The following DOK6 variants were observed in gnomAD, a reference collection of about 807,000 sequenced individuals.
DOK6 encodes docking protein 6.
Under a neutral mutation model 44.0 loss-of-function variants are expected in DOK6, and 22 were observed. The observed-to-expected ratio is 0.50, with a 90% CI of 0.36 to 0.71. DOK6 has a LOEUF of 0.71. DOK6 is among the 30% of genes least tolerant of loss of function. DOK6 has a pLI of 0.00. For missense variants in DOK6, 340 were observed against 416.4 expected, an observed-to-expected ratio of 0.82 and a Z score of 1.60; for synonymous variants, 166 against 145.5, an observed-to-expected ratio of 1.14 and a Z score of -1.01.
intron 3 of DOK6, among the ~76,000 whole-genome samples, chr18:69,676,038 A>C (rs1257861363): frequency 1.3e-5 from 2 of 152,194 alleles, no homozygotes; most frequent in Non-Finnish European, 2.9e-5. Flanking sequence ...TCCTAAGGAA[A>C]TGCCTGAGCA....
At chr18:69,809,807 C>T (rs1568132562) in intron 7 of DOK6, among the ~76,000 whole-genome samples, 1 of 151,634 alleles carries the variant, frequency 6.6e-6, no homozygotes, top group Non-Finnish European at 1.5e-5. Flanking sequence ...CAGAAAACCA[C>T]ATAACATTGA....
In DOK6 at chr18:69,843,591, T is replaced by A. The variant is rs749234491; in HGVS notation, c.*2208T>A. ...AAACAGCGAGTCCAGGGAGGGATTCTGCTAATCAGATGAGTCTGCTCTTGT... is the reference window on the plus strand; with the variant it reads ...AAACAGCGAGTCCAGGGAGGGATTCAGCTAATCAGATGAGTCTGCTCTTGT... On this transcript the variant is annotated 3_prime_UTR_variant, in exon 8 of 8. Coordinates refer to ENST00000382713, the MANE Select transcript of DOK6 (RefSeq NM_152721.6). 9 of 152,278 alleles carry A rather than the reference T, an allele frequency of 5.9e-5. 1 individual carries two copies. Among genetic ancestry groups the A allele is most frequent in the Non-Finnish European group, 8.8e-5 (6 of 68,072 alleles). The allele number at this position is 152,278 out of a possible 1,614,324, so 9.4% of individuals were successfully genotyped here. A position where few individuals can be genotyped will look rare whatever the true frequency, so the allele number is the denominator to read the frequency against.
intron 4 of DOK6, among the ~76,000 whole-genome samples, chr18:69,697,827 C>T (rs187643551): frequency 6.6e-5 from 10 of 152,244 alleles, no homozygotes; most frequent in East Asian, 5.8e-4. Context: ...TTAAGTTCTG[C>T]GGAAGGCTGT....
intron 7 of DOK6, among the ~76,000 whole-genome samples, chr18:69,838,278 A>G (rs1172059730): frequency 6.6e-6 from 1 of 151,796 alleles, no homozygotes; most frequent in East Asian, 1.9e-4. Flanking sequence ...GGCCAGGAGC[A>G]TTATCTTAAT....
At chr18:69,539,216 A>G (rs1344636996) in intron 1 of DOK6, among the ~76,000 whole-genome samples, 2 of 152,146 alleles carry the variant, frequency 1.3e-5, no homozygotes, top group Non-Finnish European at 2.9e-5. Flanking sequence ...AACACCTCAC[A>G]TACCTCTGTC....
intron 3 of DOK6, among the ~76,000 whole-genome samples, chr18:69,626,329 C>T (rs1244335717): frequency 6.6e-6 from 1 of 152,188 alleles, no homozygotes; most frequent in East Asian, 1.9e-4. Flanking sequence ...TTCCCCTGAC[C>T]ACTTCAAACC....
At chr18:69,422,727 G>T (rs761776292) in intron 1 of DOK6, among the ~76,000 whole-genome samples, 1 of 152,034 alleles carries the variant, frequency 6.6e-6, no homozygotes, top group African/African-American at 2.4e-5. Flanking sequence ...TTTACTGCTC[G>T]CTCAATTATC....
chr18:69,610,165 T>C (rs8096993), intron 3 of DOK6, among the ~76,000 whole-genome samples: 20,427 of 152,180 alleles, frequency 0.13, 1,581 homozygotes, highest in East Asian at 0.38. Context: ...AGTGTTCTTA[T>C]AACAATAAAA....
At chr18:69,555,217 CAA>C (rs1325746787) in intron 1 of DOK6, among the ~76,000 whole-genome samples, 1 of 152,102 alleles carries the variant, frequency 6.6e-6, no homozygotes, top group Non-Finnish European at 1.5e-5. Flanking sequence ...ATATTTTCTT[CAA>C]AAAGCTTTAA....
intron 3 of DOK6, among the ~76,000 whole-genome samples, chr18:69,640,213 T>C (rs1984906981): frequency 6.6e-6 from 1 of 152,206 alleles, no homozygotes; most frequent in Non-Finnish European, 1.5e-5. Context: ...GTGCAAAATA[T>C]TGCCTCAATC....
intron 1 of DOK6, among the ~76,000 whole-genome samples, chr18:69,445,430 A>C (rs948642744): frequency 6.6e-6 from 1 of 152,168 alleles, no homozygotes. Context: ...TGAACTTTTC[A>C]TAAACGCCTT....
At chr18:69,833,261 G>A (rs919223450) in intron 7 of DOK6, among the ~76,000 whole-genome samples, 1 of 152,060 alleles carries the variant, frequency 6.6e-6, no homozygotes, top group Admixed American at 6.6e-5. Flanking sequence ...AAATCCACGT[G>A]CTTACAGCCA....
chr18:69,607,541 T>C (rs957887414), intron 3 of DOK6, among the ~76,000 whole-genome samples: 14 of 152,082 alleles, frequency 9.2e-5, no homozygotes, highest in African/African-American at 2.9e-4. Flanking sequence ...AAACACAATA[T>C]TAAAATATAA....
intron 1 of DOK6, among the ~76,000 whole-genome samples, chr18:69,489,509 A>G (rs1178442470): frequency 6.6e-6 from 1 of 152,130 alleles, no homozygotes; most frequent in Non-Finnish European, 1.5e-5. Context: ...CGGTACTACA[A>G]ATCTAAGCTT....
At chr18:69,610,905 C>A (rs1984122788) in intron 3 of DOK6, among the ~76,000 whole-genome samples, 1 of 151,848 alleles carries the variant, frequency 6.6e-6, no homozygotes, top group African/African-American at 2.4e-5. Context: ...AAACCAATCC[C>A]CTACGTATGG....
At chr18:69,528,226 A>AAG (rs1017842593) in intron 1 of DOK6, among the ~76,000 whole-genome samples, 1 of 152,070 alleles carries the variant, frequency 6.6e-6, no homozygotes, top group African/African-American at 2.4e-5. Context: ...GCGTTGCATA[A>AAG]AGTAAATTAT....
intron 7 of DOK6, among the ~76,000 whole-genome samples, chr18:69,773,559 G>T (rs950714112): frequency 6.6e-6 from 1 of 151,940 alleles, no homozygotes; most frequent in Non-Finnish European, 1.5e-5. Context: ...CCTTGAGGAT[G>T]TTATGCTAAG....
intron 5 of DOK6, among the ~76,000 whole-genome samples, chr18:69,713,556 G>A (rs1986816521): frequency 6.6e-6 from 1 of 152,140 alleles, no homozygotes; most frequent in African/African-American, 2.4e-5. Context: ...TCTGTTAAAG[G>A]TGACCTTGCA....
At chr18:69,608,234 C>T (rs1984047122) in intron 3 of DOK6, among the ~76,000 whole-genome samples, 1 of 152,126 alleles carries the variant, frequency 6.6e-6, no homozygotes, top group Admixed American at 6.5e-5. Context: ...ATGTGGATTT[C>T]CAGTTTTCCA....
Sources: allele counts gnomAD v4.1 joint callset (sites outside exome capture counted in the v4.1 genomes callset), GRCh38; gene constraint gnomAD v4.1.1; transcripts MANE v1.5; gene names NCBI Gene and HGNC (gene_info 2026-07-23, HGNC 2026-07-21).